SOHLH2: variants seen among roughly 807,000 people sequenced by gnomAD.
SOHLH2 encodes the protein spermatogenesis and oogenesis specific basic helix-loop-helix 2, also known as spermatogenesis- and oogenesis-specific basic helix-loop-helix-containing protein 2.
A neutral mutation model predicts 50.4 loss-of-function variants in SOHLH2; 22 were observed. The observed-to-expected ratio is 0.44, with a 90% CI of 0.31 to 0.62. The LOEUF (loss-of-function observed/expected upper bound fraction) is 0.62, where lower values mean the gene tolerates loss of function less well. Among genes scored for constraint, SOHLH2 ranks in the 20% least tolerant of loss-of-function variants. The probability of loss-of-function intolerance (pLI) is 0.08; values close to 1 mark genes in which losing one functional copy is unlikely to be tolerated. For synonymous variants in SOHLH2, 185 were observed against 187.3 expected, an observed-to-expected ratio of 0.99 and a Z score of 0.10; for missense variants, 412 against 504.4, an observed-to-expected ratio of 0.82 and a Z score of 1.76.
intron 6 of SOHLH2, among the ~76,000 whole-genome samples, chr13:36,177,866 G>A (rs1887135346): frequency 6.6e-6 from 1 of 151,706 alleles, no homozygotes; most frequent in South Asian, 2.1e-4. Context: ...TGCGGCTTTC[G>A]TATTTATTTT....
chr13:36,182,276 A>G, intron 6 of SOHLH2: 1 of 985,450 alleles, frequency 1.0e-6, no homozygotes. Flanking sequence ...TACTGCAAAC[A>G]AGAATCTGAA....
chr13:36,169,160 C>A, intron 10 of SOHLH2, 106 bp from the exon 11 acceptor site: 1 of 1,420,004 alleles, frequency 7.0e-7, no homozygotes, highest in South Asian at 1.8e-5. Context: ...AAATGATTTG[C>A]AAAACTATGT....
chr13:36,192,112 C>T (rs900189623), intron 4 of SOHLH2, among the ~76,000 whole-genome samples: 2 of 152,094 alleles, frequency 1.3e-5, no homozygotes, highest in African/African-American at 2.4e-5. Flanking sequence ...TTATTTACCC[C>T]GGGATACCTT....
intron 2 of SOHLH2, 101 bp from the exon 3 acceptor site, chr13:36,193,968 T>G: frequency 1.8e-6 from 2 of 1,090,470 alleles, no homozygotes; most frequent in Non-Finnish European, 2.6e-6. Flanking sequence ...GTGATTTTCT[T>G]CATTTCTTTA....
chr13:36,189,667 A>G lies in SOHLH2; in HGVS notation c.641+279T>C, dbSNP rs17053616. On this transcript the variant is annotated intron_variant, in intron 6 of 10. Coordinates refer to ENST00000379881, the MANE Select transcript of SOHLH2 (RefSeq NM_017826.3). ...ATTAAAAAGCATAATTTTCTACTTA[A>G]TAGCCTATTTAAAAGTCTGTCTGAG... is the stretch of plus-strand genomic sequence containing the variant. 8.5e-3 allele frequency among the ~76,000 whole-genome samples: 1,292 copies of G among 152,312 alleles called. 23 individuals carry two copies. The highest frequency in any genetic ancestry group is 0.03 in the African/African-American group (1,241 of 41,576).
rs550609748 is a variant in SOHLH2 at position 36,207,792 on chromosome 13, C to T, written c.49-5699G>A. Among the ~76,000 whole-genome samples, 4 of 152,146 alleles carry T rather than the reference C, an allele frequency of 2.6e-5. No individual in the cohort carries two copies. The East Asian group carries it at 5.8e-4, about 22-fold the overall frequency. Reference sequence around the variant, plus strand: ...GCTGGTCAGGTATTTTGTAGAGTGTCCCACTACTTGGATTTGTCTGACGTT... The same window carrying T: ...GCTGGTCAGGTATTTTGTAGAGTGTTCCACTACTTGGATTTGTCTGACGTT... On this transcript the variant is annotated intron_variant, in intron 1 of 10. Coordinates refer to ENST00000379881, the MANE Select transcript of SOHLH2 (RefSeq NM_017826.3).
intron 5 of SOHLH2, among the ~76,000 whole-genome samples, chr13:36,190,575 T>C (rs2138296579): frequency 6.6e-6 from 1 of 152,292 alleles, no homozygotes; most frequent in Admixed American, 6.5e-5. Context: ...TACATTAATC[T>C]AAGAAACTTG....
chr13:36,183,731 G>GA (rs1445241853), intron 6 of SOHLH2, among the ~76,000 whole-genome samples: 15 of 152,026 alleles, frequency 9.9e-5, no homozygotes, highest in Non-Finnish European at 2.2e-4. Context: ...ATACAGGTTA[G>GA]AAAAAAACCA....
chr13:36,189,870 C>A lies in SOHLH2; in HGVS notation c.641+76G>T, dbSNP rs1887524678. ...AGTTTCACTTATACTTTTAATAATA[C>A]TACAAAAAATTATAAAATTCATTAA... is the stretch of plus-strand genomic sequence containing the variant. On this transcript the variant is annotated intron_variant, in intron 6 of 10. Transcript: ENST00000379881. 8 of 1,366,064 alleles carry A rather than the reference C, an allele frequency of 5.9e-6. No individual in the cohort carries two copies. In the South Asian group the frequency reaches 9.7e-5, roughly 17 times the overall value. 84.6% of individuals were successfully genotyped at this position (1,366,064 alleles called of 1,614,324 possible).
intron 6 of SOHLH2, among the ~76,000 whole-genome samples, chr13:36,187,898 G>A (rs968593331): frequency 5.3e-5 from 8 of 152,142 alleles, no homozygotes; most frequent in Non-Finnish European, 2.9e-5. Context: ...CCTCCCCTTG[G>A]ATCTGGGTAG....
chr13:36,177,570 A>G (rs191159130), intron 6 of SOHLH2, among the ~76,000 whole-genome samples: 5 of 152,192 alleles, frequency 3.3e-5, no homozygotes, highest in East Asian at 3.9e-4. Flanking sequence ...ATGATATTTA[A>G]TATCATCAGT....
At position 36,168,314 on chromosome 13, in the gene SOHLH2, C is replaced by T. The variant is rs1228888559; in HGVS notation, c.*720G>A. On this transcript the variant is annotated 3_prime_UTR_variant, in exon 11 of 11. Coordinates refer to ENST00000379881, the MANE Select transcript of SOHLH2 (RefSeq NM_017826.3). ...AAACCTTTTTCCCCCTTATTTTCAA[C>T]TGTCCTTTCTAATACCCATAGGGAG... 2.0e-5 allele frequency: 3 copies of T among 152,118 alleles called. No homozygotes were observed. Among genetic ancestry groups the T allele is most frequent in the African/African-American group, 7.2e-5 (3 of 41,440 alleles). 9.4% of individuals were successfully genotyped at this position (152,118 alleles called of 1,614,324 possible).
intron 10 of SOHLH2, among the ~76,000 whole-genome samples, chr13:36,169,813 A>G (rs1235173664): frequency 6.6e-6 from 1 of 152,166 alleles, no homozygotes; most frequent in African/African-American, 2.4e-5. Context: ...CTTAGTGGCT[A>G]GAGATTGACA....
chr13:36,187,448 T>C (rs1887452768), intron 6 of SOHLH2, among the ~76,000 whole-genome samples: 1 of 152,190 alleles, frequency 6.6e-6, no homozygotes, highest in Non-Finnish European at 1.5e-5. Flanking sequence ...CAGTGCACTG[T>C]ATTTTTCTCA....
intron 1 of SOHLH2, among the ~76,000 whole-genome samples, chr13:36,213,920 C>T (rs1028799383): frequency 6.6e-6 from 1 of 152,086 alleles, no homozygotes; most frequent in Non-Finnish European, 1.5e-5. Flanking sequence ...TAAAAATCAT[C>T]GTTCACATTT....
At chr13:36,210,226 G>A (rs1252736147) in intron 1 of SOHLH2, among the ~76,000 whole-genome samples, 2 of 152,166 alleles carry the variant, frequency 1.3e-5, no homozygotes, top group African/African-American at 4.8e-5. Flanking sequence ...GGCCAACCTG[G>A]CCTGGGAGTT....
At chr13:36,173,988 AATG>A (rs1764914420) in intron 8 of SOHLH2, among the ~76,000 whole-genome samples, 178 bp from the exon 9 acceptor site, 1 of 152,242 alleles carries the variant, frequency 6.6e-6, no homozygotes, top group Non-Finnish European at 1.5e-5. Flanking sequence ...GATGTGCAGG[AATG>A]ATGTGCTTTT....
At position 36,201,905 on chromosome 13, in the gene SOHLH2, C is replaced by G. The variant is rs144247429; in HGVS notation, c.237G>C (p.Glu79Asp). 15 of 1,614,062 alleles carry G rather than the reference C, an allele frequency of 9.3e-6. No individual in the cohort carries two copies. The highest frequency in any genetic ancestry group is 1.3e-5 in the Non-Finnish European group (15 of 1,180,046). The part of the protein sequence containing the change: ...LLKVPSSLSA[E>D]ELEAIKLIRF... ...TAATTAACTTGATGGCTTCCAGCTC[C>G]TCGGCACTTAGTGAAGAAGGCACCT... Residue 79 changes from glutamate to aspartate, a missense_variant, in exon 2 of 11, where the codon GAG becomes GAC. Coordinates refer to ENST00000379881, the MANE Select transcript of SOHLH2 (RefSeq NM_017826.3).
At chr13:36,180,483 G>A (rs776897810) in intron 6 of SOHLH2, among the ~76,000 whole-genome samples, 98 of 151,946 alleles carry the variant, frequency 6.4e-4, no homozygotes, top group Non-Finnish European at 1.6e-4. Context: ...TAAATTTAAA[G>A]TTCCAGGATA....
Sources: allele counts gnomAD v4.1 joint callset (sites outside exome capture counted in the v4.1 genomes callset), GRCh38; gene constraint gnomAD v4.1.1; transcripts MANE v1.5; gene names NCBI Gene and HGNC (gene_info 2026-07-23, HGNC 2026-07-21).